Variants in CREM observed in about 807,000 individuals in gnomAD.
CREM encodes cAMP responsive element modulator.
Under a neutral mutation model 37.3 loss-of-function variants are expected in CREM, and 13 were observed. The ratio of observed to expected loss-of-function variants is 0.35; its 90% CI spans 0.23 to 0.55. The LOEUF (loss-of-function observed/expected upper bound fraction) is 0.55. Among genes scored for constraint, CREM ranks in the 20% least tolerant of loss-of-function variants. The pLI is 0.88. For missense variants in CREM, 296 were observed against 362.3 expected (o/e 0.82, Z 1.49); for synonymous variants, 124 against 120.2 (o/e 1.03, Z -0.21).
In CREM at chr10:35,194,097, C is replaced by CAAAAAAAAAAAAAAAAA. The variant is rs371978117; in HGVS notation, c.598+5720_598+5736dup. ...GGGGGAGAATAGCGAGACTTCATCT[C>CAAAAAAAAAAAAAAAAA]AAAAAAAAAAAAAAAAAAAAAAAAA... On this transcript the variant is annotated intron_variant, in intron 6 of 7. Transcript: ENST00000685392. Among the ~76,000 whole-genome samples, 47 of 25,060 alleles carry CAAAAAAAAAAAAAAAAA rather than the reference C, an allele frequency of 1.9e-3. 6 individuals carry two copies. The highest frequency in any genetic ancestry group is 0.01 in the East Asian group (7 of 686). 16.4% of individuals were successfully genotyped at this position (25,060 alleles called of 152,430 possible).
intron 6 of CREM, among the ~76,000 whole-genome samples, chr10:35,191,813 C>A (rs1259347900): frequency 2.0e-5 from 3 of 152,126 alleles, no homozygotes; most frequent in Admixed American, 1.3e-4. Context: ...CTGAAGGACT[C>A]CCTCCCACGC....
intron 3 of CREM, among the ~76,000 whole-genome samples, chr10:35,170,208 G>A (rs971740144): frequency 3.9e-5 from 6 of 152,026 alleles, no homozygotes; most frequent in African/African-American, 9.7e-5. Context: ...CTCGTGATCC[G>A]CCTGCCTCAG....
chr10:35,165,056 CAA>C (rs60898349), intron 3 of CREM, among the ~76,000 whole-genome samples: 2,268 of 74,496 alleles, frequency 0.03, 32 homozygotes, highest in African/African-American at 0.12. Flanking sequence ...GGCTCCATCT[CAA>C]AAAAAAAAAA....
rs1383270797 is a variant in CREM at position 35,175,988 on chromosome 10, C to T, written c.169-2901C>T. On this transcript the variant is annotated intron_variant, in intron 3 of 7. Transcript: ENST00000685392. ...ATGGGTTATTCAGTCATCAGAAATA[C>T]ACACCGTTCAGGTTAGCTTCCTTCC... The T allele has an allele frequency of 3.2e-6, 5 of 1,550,892 alleles. No individual in the cohort carries two copies. In the Admixed American group the frequency reaches 5.9e-5, roughly 18 times the overall value.
intron 6 of CREM, among the ~76,000 whole-genome samples, chr10:35,203,813 C>T (rs1213975794): frequency 1.3e-5 from 2 of 151,898 alleles, no homozygotes. Flanking sequence ...CAGCAAACGT[C>T]TACAGAACTA....
At chr10:35,197,362 T>C (rs1433339660) in intron 6 of CREM, among the ~76,000 whole-genome samples, 1 of 151,906 alleles carries the variant, frequency 6.6e-6, no homozygotes, top group African/African-American at 2.4e-5. Context: ...TCTGGTCATT[T>C]CTTACAGAAT....
intron 3 of CREM, among the ~76,000 whole-genome samples, chr10:35,151,966 C>A (rs1394892155): frequency 1.3e-5 from 2 of 152,168 alleles, no homozygotes; most frequent in Admixed American, 1.3e-4. Flanking sequence ...AGTAGGAAAT[C>A]AAGCTGAACT....
chr10:35,172,172 A>G (rs1198007288), intron 3 of CREM, among the ~76,000 whole-genome samples: 3 of 151,920 alleles, frequency 2.0e-5, no homozygotes, highest in Non-Finnish European at 2.9e-5. Flanking sequence ...CATAATTTCT[A>G]TTTTGCCAGT....
At chr10:35,146,361 C>T (rs938639576) in intron 2 of CREM, among the ~76,000 whole-genome samples, 3 of 152,238 alleles carry the variant, frequency 2.0e-5, no homozygotes, top group Non-Finnish European at 2.9e-5. Context: ...CTGTGCCCTT[C>T]ACCCTTCTCA....
chr10:35,147,309 T>C (rs1245303681), intron 2 of CREM, among the ~76,000 whole-genome samples: 1 of 152,084 alleles, frequency 6.6e-6, no homozygotes, highest in Non-Finnish European at 1.5e-5. Context: ...CGCCTCAGCC[T>C]CCCAAAGTGC....
chr10:35,200,084 T>C (rs943141340), intron 6 of CREM, among the ~76,000 whole-genome samples: 7 of 151,986 alleles, frequency 4.6e-5, no homozygotes, highest in Non-Finnish European at 8.8e-5. Context: ...AGACAGGGTT[T>C]CACCATTTGG....
At chr10:35,206,476 T>A (rs1275994044) in intron 6 of CREM, among the ~76,000 whole-genome samples, 2 of 152,214 alleles carry the variant, frequency 1.3e-5, no homozygotes, top group African/African-American at 2.4e-5. Context: ...GAAAGTCACC[T>A]TGGTAGCTTG....
chr10:35,156,991 C>T (rs1435119752), intron 3 of CREM, among the ~76,000 whole-genome samples: 1 of 152,058 alleles, frequency 6.6e-6, no homozygotes, highest in Non-Finnish European at 1.5e-5. Flanking sequence ...TACAAAAATC[C>T]TTAACAAAAT....
At chr10:35,171,474 TAG>T (rs1292320028) in intron 3 of CREM, among the ~76,000 whole-genome samples, 1 of 152,178 alleles carries the variant, frequency 6.6e-6, no homozygotes, top group East Asian at 1.9e-4. Context: ...CCATTTTTGA[TAG>T]AGTTATTGTT....
At chr10:35,179,363 T>C in intron 5 of CREM, 87 bp downstream of exon 5, 1 of 1,479,068 alleles carries the variant, frequency 6.8e-7, no homozygotes, top group East Asian at 2.3e-5. Context: ...TGGCATTAAA[T>C]TGTTCCATTT....
intron 3 of CREM, among the ~76,000 whole-genome samples, chr10:35,168,269 C>T (rs552959873): frequency 2.3e-4 from 35 of 152,274 alleles, no homozygotes; most frequent in African/African-American, 7.7e-4. Context: ...CTGTTGTTTC[C>T]TGACTTTTTA....
At chr10:35,167,825 T>C in intron 3 of CREM, 1 of 1,595,908 alleles carries the variant, frequency 6.3e-7, no homozygotes, top group Non-Finnish European at 8.6e-7. Context: ...CTGCTATAAG[T>C]ACCTTCACAC....
At chr10:35,192,341 T>C (rs2094951789) in intron 6 of CREM, among the ~76,000 whole-genome samples, 1 of 152,128 alleles carries the variant, frequency 6.6e-6, no homozygotes, top group African/African-American at 2.4e-5. Context: ...GCACTTGTTT[T>C]GTTTTGTTTC....
At chr10:35,185,414 A>G (rs565255733) in intron 5 of CREM, among the ~76,000 whole-genome samples, 6 of 152,038 alleles carry the variant, frequency 3.9e-5, no homozygotes, top group Non-Finnish European at 8.8e-5. Context: ...TAGGCTTTGT[A>G]CTTCTAATAC....
Sources: allele counts gnomAD v4.1 joint callset (sites outside exome capture counted in the v4.1 genomes callset), GRCh38; gene constraint gnomAD v4.1.1; transcripts MANE v1.5; gene names NCBI Gene and HGNC (gene_info 2026-07-23, HGNC 2026-07-21).